Variants in SEC23A observed in about 807,000 individuals in gnomAD.
SEC23A encodes protein transport protein Sec23A.
Under a neutral mutation model 103.7 loss-of-function variants are expected in SEC23A, and 56 were observed. The observed-to-expected ratio is 0.54, with a 90% CI of 0.44 to 0.67. SEC23A has a LOEUF of 0.67. Ranked by LOEUF, SEC23A falls within the 30% of genes least tolerant of loss-of-function variation. The pLI, the probability that SEC23A is intolerant of heterozygous loss-of-function variation, is 0.00. For synonymous variants in SEC23A, 281 were observed against 293.0 expected (o/e 0.96, Z 0.42); for missense variants, 784 against 936.4 (o/e 0.84, Z 2.12).
At chr14:39,033,432 G>A in intron 19 of SEC23A, 104 bp from the exon 20 acceptor site, 9 of 325,464 alleles carry the variant, frequency 2.8e-5, no homozygotes, top group Middle Eastern at 1.7e-3. Context: ...AAATGCCTAT[G>A]GTCCTATTAA....
intron 3 of SEC23A, 86 bp from the exon 4 acceptor site, chr14:39,092,713 TTTAA>T: frequency 5.4e-6 from 4 of 746,532 alleles, no homozygotes; most frequent in South Asian, 1.7e-5. Context: ...TTCCTGATCA[TTTAA>T]TTATTTTTAA....
intron 11 of SEC23A, 189 bp downstream of exon 11, chr14:39,064,724 C>G: frequency 1.7e-6 from 1 of 602,564 alleles, no homozygotes; most frequent in Non-Finnish European, 2.9e-6. Flanking sequence ...CCTGTGCGTT[C>G]GCTGTGTCTT....
intron 14 of SEC23A, among the ~76,000 whole-genome samples, chr14:39,049,043 C>T (rs1885948192): frequency 6.6e-6 from 1 of 151,976 alleles, no homozygotes; most frequent in Non-Finnish European, 1.5e-5. Flanking sequence ...TCAACACGTG[C>T]CTTAAAACAC....
chr14:39,043,120 G>A (rs1447893183), intron 16 of SEC23A, among the ~76,000 whole-genome samples: 5 of 152,018 alleles, frequency 3.3e-5, no homozygotes, highest in Non-Finnish European at 5.9e-5. Flanking sequence ...GGGACTACAG[G>A]TGTGTAACAC....
intron 7 of SEC23A, among the ~76,000 whole-genome samples, chr14:39,076,571 C>G (rs561483398): frequency 6.6e-6 from 1 of 151,216 alleles, no homozygotes; most frequent in African/African-American, 2.4e-5. Context: ...CCTGGCTCTT[C>G]TATTTTTTTG....
In SEC23A at chr14:39,042,894, G is replaced by C. The variant is rs200822209; in HGVS notation, c.1900-22C>G. On this transcript the variant is annotated intron_variant, in intron 16 of 19. Coordinates refer to ENST00000307712, the MANE Select transcript of SEC23A (RefSeq NM_006364.4). ...CCGGCTAACGTAAAGAAAACAATGA[G>C]AAATGAGGAAAAAGGAAAAATAATC... is the stretch of plus-strand genomic sequence containing the variant. The C allele has an allele frequency of 8.6e-4, 1,299 of 1,510,008 alleles. 30 individuals carry two copies. In the Admixed American group the frequency reaches 0.019, roughly 22 times the overall value. The allele number at this position is 1,510,008 out of a possible 1,614,324, so 93.5% of individuals were successfully genotyped here.
At chr14:39,096,689 AAT>A (rs1887904708) in intron 1 of SEC23A, among the ~76,000 whole-genome samples, 1 of 152,220 alleles carries the variant, frequency 6.6e-6, no homozygotes, top group East Asian at 1.9e-4. Context: ...GATGGCAAAA[AAT>A]AGTGTCTTAT....
At chr14:39,045,013 T>C in intron 16 of SEC23A, 150 bp downstream of exon 16, 1 of 703,716 alleles carries the variant, frequency 1.4e-6, no homozygotes. Flanking sequence ...CATAAATATT[T>C]TAAGCGAATA....
At chr14:39,088,014 G>A (rs773067471) in intron 5 of SEC23A, 1 of 152,082 alleles carries the variant, frequency 6.6e-6, no homozygotes, top group Non-Finnish European at 1.5e-5. Context: ...CTCTATAAGG[G>A]TTTACACCAT....
rs532897876 is a variant in SEC23A, at chr14:39,076,651, C to T, written c.829-558G>A. 1.3e-4 allele frequency among the ~76,000 whole-genome samples: 20 copies of T among 152,002 alleles called. 1 individual carries two copies. The East Asian group carries it at 3.7e-3, about 28-fold the overall frequency. ...TAGAACAACAAAAAAAAAGGCCAGGCGTGGTGGCTCGCACTTGTAATCCCA... is the reference window on the plus strand; with the variant it reads ...TAGAACAACAAAAAAAAAGGCCAGGTGTGGTGGCTCGCACTTGTAATCCCA... On this transcript the variant is annotated intron_variant, in intron 7 of 19. Coordinates refer to ENST00000307712, the MANE Select transcript of SEC23A (RefSeq NM_006364.4).
chr14:39,085,762 C>A lies in SEC23A; in HGVS notation c.828G>T (p.Glu276Asp). 6.2e-7 allele frequency: 1 copy of A among 1,611,554 alleles called. No individual in the cohort carries two copies. Among genetic ancestry groups the A allele is most frequent in the Non-Finnish European group, 8.5e-7 (1 of 1,179,152 alleles). ...VALSIAVGLL[E>D]CTFPNTGARI... The stretch of plus-strand genomic sequence containing the variant: ...TCCAAAACAAAACCATCTTCCCTAC[C>A]TCCAGCAGTCCTACAGCTATGGAAA... Residue 276 changes from glutamate to aspartate, a missense_variant and splice_region_variant, in exon 7 of 20, where the codon GAG becomes GAT. Coordinates refer to ENST00000307712, the MANE Select transcript of SEC23A (RefSeq NM_006364.4).
chr14:39,048,860 A>C, intron 14 of SEC23A, 131 bp from the exon 15 acceptor site: 1 of 627,816 alleles, frequency 1.6e-6, no homozygotes. Context: ...TAAAATTATA[A>C]TATTACTTAT....
At chr14:39,094,630 G>C (rs1887824380) in intron 2 of SEC23A, among the ~76,000 whole-genome samples, 1 of 151,758 alleles carries the variant, frequency 6.6e-6, no homozygotes, top group South Asian at 2.1e-4. Context: ...ATGTGTTTAA[G>C]AGGGCTGCTT....
chr14:39,059,278 T>A (rs1196434071), intron 13 of SEC23A, among the ~76,000 whole-genome samples: 4 of 71,824 alleles, frequency 5.6e-5, no homozygotes, highest in African/African-American at 1.0e-4. Context: ...AGTCCTAGTT[T>A]AAAAAAAAAA....
intron 13 of SEC23A, among the ~76,000 whole-genome samples, chr14:39,057,765 T>C (rs939236551): frequency 6.6e-6 from 1 of 152,252 alleles, no homozygotes; most frequent in Non-Finnish European, 1.5e-5. Flanking sequence ...TTCATTTATT[T>C]AATTTTGTTA....
At chr14:39,063,510 A>T in intron 11 of SEC23A, 97 bp from the exon 12 acceptor site, 1 of 756,388 alleles carries the variant, frequency 1.3e-6, no homozygotes, top group Non-Finnish European at 2.2e-6. Flanking sequence ...GAAAAAAAAA[A>T]GTCATGTTTC....
At chr14:39,102,006 C>A (rs1282095284) in intron 1 of SEC23A, among the ~76,000 whole-genome samples, 1 of 151,880 alleles carries the variant, frequency 6.6e-6, no homozygotes, top group East Asian at 1.9e-4. Context: ...CCGAGGCGGG[C>A]GGATCACCTG....
At position 39,096,152 on chromosome 14, in the gene SEC23A, T is replaced by G. The variant is rs1473730433; in HGVS notation, c.-21-13A>C. 6.2e-6 allele frequency: 9 copies of G among 1,454,840 alleles called. No individual in the cohort carries two copies. The highest frequency in any genetic ancestry group is 1.4e-5 in the African/African-American group (1 of 71,540). The allele number at this position is 1,454,840 out of a possible 1,614,324, so 90.1% of individuals were successfully genotyped here. A position where few individuals can be genotyped will look rare whatever the true frequency, so the allele number is the denominator to read the frequency against. ...TTGATTCTTATTTCTGTATCAAAAT[T>G]TTAAAATATTTTAAAATCCAGGATC... is the stretch of plus-strand genomic sequence containing the variant. On this transcript the variant is annotated splice_polypyrimidine_tract_variant and intron_variant, in intron 1 of 19. Coordinates refer to ENST00000307712, the MANE Select transcript of SEC23A (RefSeq NM_006364.4).
At chr14:39,076,598 G>T (rs1272625517) in intron 7 of SEC23A, among the ~76,000 whole-genome samples, 3 of 151,166 alleles carry the variant, frequency 2.0e-5, no homozygotes, top group African/African-American at 7.3e-5. Flanking sequence ...TTTTACTTTT[G>T]TTTTTGATGT....
Sources: gnomAD v4.1 joint callset for allele counts (sites outside exome capture counted in the v4.1 genomes callset) on GRCh38, gnomAD v4.1.1 for gene constraint, MANE v1.5 for transcripts, NCBI Gene and HGNC (gene_info 2026-07-23, HGNC 2026-07-21) for gene names.